The following RERE variants were observed in gnomAD, a reference collection of about 807,000 sequenced individuals.
The protein encoded by RERE is arginine-glutamic acid dipeptide repeats.
Under a neutral mutation model 146.1 loss-of-function variants are expected in RERE, and 40 were observed. The ratio of observed to expected loss-of-function variants is 0.27; its 90% CI spans 0.21 to 0.36. RERE has a LOEUF of 0.36. RERE is among the 10% of genes least tolerant of loss of function. The pLI, the probability that RERE is intolerant of heterozygous loss-of-function variation, is 1.00. For synonymous variants in RERE, 1,003 were observed against 866.0 expected (o/e 1.16, Z -2.78); for missense variants, 1,933 against 2,138.7 (o/e 0.90, Z 1.90).
intron 2 of RERE, among the ~76,000 whole-genome samples, chr1:8,652,769 C>T (rs1157073562): frequency 6.6e-6 from 1 of 152,186 alleles, no homozygotes; most frequent in Non-Finnish European, 1.5e-5. Context: ...TAGTCCCGAC[C>T]TTGACACGTG....
intron 11 of RERE, among the ~76,000 whole-genome samples, chr1:8,444,500 A>C (rs1644292712): frequency 6.6e-6 from 1 of 152,206 alleles, no homozygotes; most frequent in African/African-American, 2.4e-5. Flanking sequence ...ACTATCGATA[A>C]CGGATAATTT....
chr1:8,361,694 G>C (rs1023130589), intron 17 of RERE, 69 bp downstream of exon 17: 3 of 1,445,386 alleles, frequency 2.1e-6, no homozygotes, highest in Non-Finnish European at 2.9e-6. Flanking sequence ...ACCAACTAGG[G>C]AGAACCCCGG....
At chr1:8,678,112 T>C (rs971876814) in intron 1 of RERE, among the ~76,000 whole-genome samples, 1 of 152,218 alleles carries the variant, frequency 6.6e-6, no homozygotes, top group Non-Finnish European at 1.5e-5. Flanking sequence ...CATGGTCTCC[T>C]GGTTGCTGTT....
At chr1:8,781,356 CA>C (rs55676461) in intron 1 of RERE, among the ~76,000 whole-genome samples, 30 of 129,742 alleles carry the variant, frequency 2.3e-4, no homozygotes, top group Admixed American at 2.4e-4. Context: ...GACTCCGTCT[CA>C]AAAAAAAAAA....
At chr1:8,574,466 T>A (rs1434233437) in intron 4 of RERE, among the ~76,000 whole-genome samples, 5 of 145,882 alleles carry the variant, frequency 3.4e-5, no homozygotes, top group African/African-American at 5.1e-5. Context: ...TGCCTCAGCC[T>A]CCCGAGTAGC....
At chr1:8,483,175 A>T (rs1644857784) in intron 10 of RERE, among the ~76,000 whole-genome samples, 2 of 152,248 alleles carry the variant, frequency 1.3e-5, no homozygotes, top group African/African-American at 4.8e-5. Context: ...AAAATCCTGA[A>T]CGACAAGAAA....
intron 7 of RERE, among the ~76,000 whole-genome samples, chr1:8,517,105 T>C (rs577874980): frequency 1.3e-5 from 2 of 152,304 alleles, no homozygotes; most frequent in East Asian, 1.9e-4. Context: ...GTTTCCTGGT[T>C]TTGGTATCGT....
chr1:8,731,746 A>G (rs1193185932), intron 1 of RERE, among the ~76,000 whole-genome samples: 1 of 151,778 alleles, frequency 6.6e-6, no homozygotes, highest in Non-Finnish European at 1.5e-5. Flanking sequence ...GAAGCACAGT[A>G]TGGCATTTTC....
chr1:8,355,707 C>T (rs1641263774), intron 21 of RERE, 108 bp from the exon 22 acceptor site: 14 of 970,566 alleles, frequency 1.4e-5, no homozygotes, highest in South Asian at 5.4e-5. Context: ...GGTGCCAGTT[C>T]GGACACAGGA....
intron 1 of RERE, among the ~76,000 whole-genome samples, chr1:8,673,417 A>C (rs977303736): frequency 1.3e-5 from 2 of 152,150 alleles, no homozygotes; most frequent in Non-Finnish European, 2.9e-5. Flanking sequence ...TTATTACAAC[A>C]AGCTCTCAAG....
At chr1:8,492,761 C>G (rs1177571252) in intron 10 of RERE, among the ~76,000 whole-genome samples, 1 of 151,998 alleles carries the variant, frequency 6.6e-6, no homozygotes, top group Non-Finnish European at 1.5e-5. Context: ...TTTAATTAGT[C>G]AAGCATGATG....
At chr1:8,717,339 A>G (rs935331324) in intron 1 of RERE, among the ~76,000 whole-genome samples, 2 of 152,232 alleles carry the variant, frequency 1.3e-5, no homozygotes, top group African/African-American at 2.4e-5. Flanking sequence ...CTCAAACACA[A>G]TAACGCCTTG....
At chr1:8,525,953 C>A in intron 7 of RERE, 1 of 1,346,674 alleles carries the variant, frequency 7.4e-7, no homozygotes, top group Non-Finnish European at 9.5e-7. Flanking sequence ...ACGCAGAACG[C>A]AGAAACTTCC....
chr1:8,594,626 T>C (rs566663516), intron 4 of RERE, among the ~76,000 whole-genome samples: 24 of 152,328 alleles, frequency 1.6e-4, no homozygotes, highest in Middle Eastern at 6.8e-3. Flanking sequence ...ATATAACATA[T>C]AGTCTCAACT....
chr1:8,426,385 C>T (rs538482087), intron 11 of RERE, among the ~76,000 whole-genome samples: 2 of 150,212 alleles, frequency 1.3e-5, no homozygotes, highest in South Asian at 4.2e-4. Context: ...ACCCGGGAGG[C>T]GCAGCTTGCA....
intron 7 of RERE, among the ~76,000 whole-genome samples, chr1:8,535,321 G>C (rs1645710716): frequency 6.6e-6 from 1 of 152,242 alleles, no homozygotes; most frequent in South Asian, 2.1e-4. Context: ...TCTGTTGTAG[G>C]TTTTTATTAG....
chr1:8,564,866 GTGTGTATA>G (rs753104458), intron 4 of RERE, among the ~76,000 whole-genome samples: 1,679 of 131,468 alleles, frequency 0.013, 30 homozygotes, highest in African/African-American at 0.051. Context: ...GTGTGTGTGT[GTGTGTATA>G]TATATATATA....
chr1:8,767,276 C>G (rs1299558323), intron 1 of RERE, among the ~76,000 whole-genome samples: 2 of 151,962 alleles, frequency 1.3e-5, no homozygotes, highest in South Asian at 2.1e-4. Flanking sequence ...AGAAAGTAGA[C>G]CAGGAATCCA....
intron 12 of RERE, among the ~76,000 whole-genome samples, chr1:8,390,084 G>A (rs1419572431): frequency 6.6e-6 from 1 of 152,154 alleles, no homozygotes; most frequent in Non-Finnish European, 1.5e-5. Context: ...ACCAGAAAAA[G>A]GAAAACCAAT....
Sources: gnomAD v4.1 joint callset for allele counts (sites outside exome capture counted in the v4.1 genomes callset) on GRCh38, gnomAD v4.1.1 for gene constraint, MANE v1.5 for transcripts, NCBI Gene and HGNC (gene_info 2026-07-23, HGNC 2026-07-21) for gene names.